NAALADL2: variants seen among roughly 807,000 people sequenced by gnomAD.
The protein encoded by NAALADL2 is N-acetylated alpha-linked acidic dipeptidase like 2.
A neutral mutation model predicts 87.2 loss-of-function variants in NAALADL2; 76 were observed. The observed-to-expected ratio is 0.87, with a 90% confidence interval of 0.72 to 1.05. The LOEUF is 1.05. Ranked by LOEUF, NAALADL2 falls within the 50% of genes least tolerant of loss-of-function variation. The pLI, the probability that NAALADL2 is intolerant of heterozygous loss-of-function variation, is 0.00. For missense variants in NAALADL2, 1,089 were observed against 945.8 expected (o/e 1.15, Z -1.99); for synonymous variants, 354 against 331.0 (o/e 1.07, Z -0.75).
chr3:175,355,478 T>G (rs1764262920), intron 5 of NAALADL2, among the ~76,000 whole-genome samples: 1 of 152,200 alleles, frequency 6.6e-6, no homozygotes, highest in Non-Finnish European at 1.5e-5. Flanking sequence ...AGAGGAAATA[T>G]AATTACATTA....
intron 2 of NAALADL2, among the ~76,000 whole-genome samples, chr3:174,691,781 T>C (rs78168080): frequency 0.014 from 2,143 of 152,328 alleles, 52 homozygotes; most frequent in African/African-American, 0.049. Flanking sequence ...AAATCTTCTC[T>C]TGTTATTTCA....
chr3:174,926,284 A>G lies in NAALADL2; in HGVS notation c.43+66834A>G, dbSNP rs559127712. Among the ~76,000 whole-genome samples the G allele has an allele frequency of 4.6e-5, 7 of 152,264 alleles. No individual in the cohort carries two copies. In the East Asian group the frequency reaches 1.4e-3, roughly 29 times the overall value. ...ATGGAACCAAGTTGGAAAACACTGC[A>G]GGGTATTATCCAGGAGAACTTCCCC... On this transcript the variant is annotated intron_variant, in intron 1 of 13. Transcript: ENST00000454872.
chr3:174,488,545 C>A (rs1432067197), intron 1 of NAALADL2, among the ~76,000 whole-genome samples: 2 of 152,034 alleles, frequency 1.3e-5, no homozygotes, highest in Non-Finnish European at 2.9e-5. Flanking sequence ...CTAGTCCTTA[C>A]TAAGGATGCA....
At chr3:175,490,685 G>A (rs911786655) in intron 9 of NAALADL2, among the ~76,000 whole-genome samples, 4 of 151,654 alleles carry the variant, frequency 2.6e-5, no homozygotes, top group South Asian at 4.2e-4. Flanking sequence ...GTGAGCCACC[G>A]CGCCGGACCA....
At chr3:174,663,162 T>C (rs1410214284) in intron 2 of NAALADL2, among the ~76,000 whole-genome samples, 1 of 152,150 alleles carries the variant, frequency 6.6e-6, no homozygotes. Context: ...TAAATATTTA[T>C]ATAAATATAC....
At chr3:174,982,384 G>C (rs529504604) in intron 1 of NAALADL2, among the ~76,000 whole-genome samples, 1 of 152,090 alleles carries the variant, frequency 6.6e-6, no homozygotes, top group South Asian at 2.1e-4. Context: ...AAGAAACTCA[G>C]TACTCAATAT....
rs187551082 is a variant in NAALADL2, at chr3:174,552,965, G to A, written c.-115+2328G>A. 6.8e-4 allele frequency among the ~76,000 whole-genome samples: 103 copies of A among 152,148 alleles called. No individual in the cohort carries two copies. In the East Asian group the frequency reaches 0.011, roughly 17 times the overall value. ...AGGTGACTATAGACATATGTTACAC[G>A]TTATAAACTTTAAGTCCAAAGAGGT... On this transcript the variant is annotated intron_variant, in intron 2 of 3. Coordinates refer to the NAALADL2 transcript ENST00000434257.
chr3:174,694,086 A>G (rs1163743163), intron 2 of NAALADL2, among the ~76,000 whole-genome samples: 1 of 152,064 alleles, frequency 6.6e-6, no homozygotes, highest in African/African-American at 2.4e-5. Flanking sequence ...AGACCTTCAG[A>G]CCCTTTCCCT....
At chr3:175,198,127 C>A (rs189514051) in intron 2 of NAALADL2, among the ~76,000 whole-genome samples, 116 of 152,132 alleles carry the variant, frequency 7.6e-4, no homozygotes, top group Non-Finnish European at 1.3e-3. Flanking sequence ...CAATAACAAA[C>A]CATTTTCAGA....
At chr3:175,591,782 G>GTATA (rs1296001110) in intron 10 of NAALADL2, among the ~76,000 whole-genome samples, 2 of 20,536 alleles carry the variant, frequency 9.7e-5, no homozygotes, top group East Asian at 3.4e-3. Context: ...GTGTGTGTGT[G>GTATA]TGTATATATA....
chr3:174,969,757 GTGGAGTCTT>G (rs1416583435), intron 1 of NAALADL2, among the ~76,000 whole-genome samples: 1 of 152,124 alleles, frequency 6.6e-6, no homozygotes, highest in African/African-American at 2.4e-5. Flanking sequence ...TGCTCTCAAA[GTGGAGTCTT>G]AGGCCACTGC....
chr3:175,652,840 A>G (rs1730967208), intron 11 of NAALADL2, among the ~76,000 whole-genome samples: 1 of 152,082 alleles, frequency 6.6e-6, no homozygotes, highest in African/African-American at 2.4e-5. Flanking sequence ...TGATCCTTGA[A>G]CTATACGGGG....
chr3:175,477,844 T>C (rs1042251278), intron 9 of NAALADL2, among the ~76,000 whole-genome samples: 1 of 152,062 alleles, frequency 6.6e-6, no homozygotes, highest in Non-Finnish European at 1.5e-5. Context: ...GGTGACACAA[T>C]TTAGACTTAT....
intron 2 of NAALADL2, among the ~76,000 whole-genome samples, chr3:174,682,001 G>A (rs1255665383): frequency 6.6e-6 from 1 of 152,122 alleles, no homozygotes; most frequent in South Asian, 2.1e-4. Flanking sequence ...TGGTAGCCAG[G>A]CAGTACTCAC....
chr3:175,009,401 C>T (rs569126227), intron 1 of NAALADL2, among the ~76,000 whole-genome samples: 11 of 152,210 alleles, frequency 7.2e-5, no homozygotes, highest in East Asian at 1.9e-4. Flanking sequence ...ATGGTTAACA[C>T]GCCACCATAA....
intron 13 of NAALADL2, among the ~76,000 whole-genome samples, chr3:175,785,929 G>C (rs1180308287): frequency 6.7e-6 from 1 of 150,274 alleles, no homozygotes; most frequent in East Asian, 2.0e-4. Context: ...GCATTTGCTT[G>C]TCTGTAAAGT....
intron 3 of NAALADL2, among the ~76,000 whole-genome samples, chr3:174,765,162 G>T (rs1484080418): frequency 6.6e-6 from 1 of 150,904 alleles, no homozygotes; most frequent in East Asian, 1.9e-4. Context: ...GAGAGAGAGA[G>T]AGAGAGAGAC....
intron 3 of NAALADL2, among the ~76,000 whole-genome samples, chr3:174,772,653 T>C (rs1314587512): frequency 1.3e-5 from 2 of 152,160 alleles, no homozygotes; most frequent in Non-Finnish European, 2.9e-5. Flanking sequence ...ATAGGTGTAC[T>C]CTTATAAAGA....
At chr3:175,148,951 T>C (rs4298071) in intron 2 of NAALADL2, among the ~76,000 whole-genome samples, 45,704 of 152,128 alleles carry the variant, frequency 0.3, 7,080 homozygotes, top group South Asian at 0.36. Context: ...TGGTTCCATA[T>C]GAATGTTAGA....
Sources: allele counts gnomAD v4.1 joint callset (sites outside exome capture counted in the v4.1 genomes callset), GRCh38; gene constraint gnomAD v4.1.1; transcripts MANE v1.5; gene names NCBI Gene and HGNC (gene_info 2026-07-23, HGNC 2026-07-21).